The following GREM2 variants were observed in gnomAD, a reference collection of about 807,000 sequenced individuals.
GREM2 encodes the protein gremlin-2.
A neutral mutation model predicts 14.2 loss-of-function variants in GREM2; 11 were observed. That is an observed-to-expected ratio of 0.78 (90% confidence interval 0.49 to 1.28). GREM2 has a LOEUF of 1.28. GREM2 is among the 50% of genes most tolerant of loss of function. The pLI is 0.00. For synonymous variants in GREM2, 98 were observed against 97.6 expected (o/e 1.00, Z -0.02); for missense variants, 210 against 218.5 (o/e 0.96, Z 0.24).
chr1:240,577,043 T>C (rs989095976), intron 1 of GREM2, among the ~76,000 whole-genome samples: 32 of 152,346 alleles, frequency 2.1e-4, no homozygotes, highest in South Asian at 4.1e-4. Flanking sequence ...TGGTAACATT[T>C]ACACAAATTT....
At chr1:240,521,454 C>T (rs930791016) in intron 1 of GREM2, among the ~76,000 whole-genome samples, 6 of 151,516 alleles carry the variant, frequency 4.0e-5, no homozygotes, top group African/African-American at 9.8e-5. Context: ...GACTGTAGTC[C>T]CAGCTACTCG....
At chr1:240,535,899 C>T (rs934441161) in intron 1 of GREM2, among the ~76,000 whole-genome samples, 3 of 151,630 alleles carry the variant, frequency 2.0e-5, no homozygotes, top group Non-Finnish European at 2.9e-5. Flanking sequence ...CCCATGAAAA[C>T]CAACAGAAAG....
At chr1:240,534,900 A>T (rs1444117792) in intron 1 of GREM2, among the ~76,000 whole-genome samples, 1 of 152,066 alleles carries the variant, frequency 6.6e-6, no homozygotes, top group Non-Finnish European at 1.5e-5. Flanking sequence ...AAATTTGGTG[A>T]CGCCAGATAC....
rs139762300 is a variant in GREM2, at chr1:240,573,946, C to T, written c.-2+37938G>A. ...GTTTGTTTTGTTTTGTTTTGACGAA[C>T]TCTCACACTCTCGCCCTGGCTGGAG... On this transcript the variant is annotated intron_variant, in intron 1 of 1. Coordinates refer to ENST00000318160, the MANE Select transcript of GREM2 (RefSeq NM_022469.4). Among the ~76,000 whole-genome samples, 5 of 152,120 alleles carry T rather than the reference C, an allele frequency of 3.3e-5. No homozygotes were observed. The East Asian group carries it at 9.7e-4, about 29-fold the overall frequency.
At chr1:240,587,620 C>A (rs535820104) in intron 1 of GREM2, among the ~76,000 whole-genome samples, 1 of 152,074 alleles carries the variant, frequency 6.6e-6, no homozygotes, top group East Asian at 1.9e-4. Flanking sequence ...CCATACCAGC[C>A]GTTTTCACTT....
intron 1 of GREM2, among the ~76,000 whole-genome samples, chr1:240,510,432 G>C (rs1170787607): frequency 6.7e-6 from 1 of 148,596 alleles, no homozygotes; most frequent in Non-Finnish European, 1.5e-5. Context: ...CAATCCACAG[G>C]GACAGACTGC....
chr1:240,603,502 C>T (rs1239660821), intron 1 of GREM2, among the ~76,000 whole-genome samples: 1 of 152,072 alleles, frequency 6.6e-6, no homozygotes, highest in Non-Finnish European at 1.5e-5. Context: ...CCATCCATCT[C>T]CCATCCATCT....
At chr1:240,559,760 G>T (rs897038596) in intron 1 of GREM2, among the ~76,000 whole-genome samples, 1 of 152,106 alleles carries the variant, frequency 6.6e-6, no homozygotes, top group African/African-American at 2.4e-5. Context: ...TGTCAGTTGC[G>T]TTTCTCAAAG....
intron 1 of GREM2, among the ~76,000 whole-genome samples, chr1:240,528,260 C>T (rs1013113179): frequency 6.6e-6 from 1 of 152,102 alleles, no homozygotes; most frequent in Non-Finnish European, 1.5e-5. Flanking sequence ...AATGAAATTT[C>T]TTATGGGACT....
intron 1 of GREM2, among the ~76,000 whole-genome samples, chr1:240,510,424 A>G (rs759992589): frequency 9.4e-5 from 14 of 149,588 alleles, no homozygotes; most frequent in South Asian, 2.1e-4. Context: ...GAATATGTCA[A>G]TCCACAGGGA....
At chr1:240,509,310 G>A (rs1677748282) in intron 1 of GREM2, among the ~76,000 whole-genome samples, 1 of 151,832 alleles carries the variant, frequency 6.6e-6, no homozygotes, top group Non-Finnish European at 1.5e-5. Flanking sequence ...GTGTAGTGAA[G>A]GTCAGCATGC....
chr1:240,512,795 T>C (rs923795380), intron 1 of GREM2, among the ~76,000 whole-genome samples: 1 of 152,192 alleles, frequency 6.6e-6, no homozygotes, highest in African/African-American at 2.4e-5. Flanking sequence ...ATTTAAGTTA[T>C]TAAAGTTATG....
At chr1:240,585,080 T>C (rs1431035076) in intron 1 of GREM2, among the ~76,000 whole-genome samples, 1 of 152,174 alleles carries the variant, frequency 6.6e-6, no homozygotes, top group Admixed American at 6.5e-5. Flanking sequence ...ACCTTGAAAA[T>C]TCAGGCTCCT....
chr1:240,533,457 C>G (rs1239943453), intron 1 of GREM2, among the ~76,000 whole-genome samples: 3 of 152,140 alleles, frequency 2.0e-5, no homozygotes, highest in African/African-American at 7.2e-5. Flanking sequence ...GTATCTCATG[C>G]TAATGTTATA....
intron 1 of GREM2, among the ~76,000 whole-genome samples, chr1:240,571,872 T>C (rs1679268959): frequency 6.6e-6 from 1 of 152,126 alleles, no homozygotes; most frequent in Non-Finnish European, 1.5e-5. Context: ...CTGATTTTGT[T>C]TGAGCACCAA....
intron 1 of GREM2, among the ~76,000 whole-genome samples, chr1:240,539,403 G>C (rs1344342245): frequency 6.6e-6 from 1 of 152,122 alleles, no homozygotes; most frequent in African/African-American, 2.4e-5. Context: ...AGGAAAATGT[G>C]TACCTACTAC....
At chr1:240,559,546 G>A (rs1203456122) in intron 1 of GREM2, among the ~76,000 whole-genome samples, 1 of 151,980 alleles carries the variant, frequency 6.6e-6, no homozygotes, top group Non-Finnish European at 1.5e-5. Flanking sequence ...ATTTCGCCAT[G>A]TTGACCAGGC....
In GREM2 at chr1:240,492,393, T is replaced by C. The variant is rs1677275444; in HGVS notation, c.*576A>G. The C allele has an allele frequency of 3.4e-6, 1 of 290,008 alleles. No homozygotes were observed. Among genetic ancestry groups the C allele is most frequent in the Admixed American group, 3.9e-5 (1 of 25,642 alleles). The allele number at this position is 290,008 out of a possible 1,614,324, so 18.0% of individuals were successfully genotyped here. On this transcript the variant is annotated 3_prime_UTR_variant, in exon 2 of 2. Coordinates refer to ENST00000318160, the MANE Select transcript of GREM2 (RefSeq NM_022469.4). ...AGTTGTCTTCTTGGTATCAGGTTTA[T>C]TAGGAGACGCCCCGTCCACCGACAT... is the stretch of plus-strand genomic sequence containing the variant.
intron 1 of GREM2, among the ~76,000 whole-genome samples, chr1:240,583,380 T>A (rs1433999584): frequency 1.3e-5 from 2 of 152,214 alleles, no homozygotes; most frequent in African/African-American, 4.8e-5. Flanking sequence ...ATGGCCAATT[T>A]ACTTATATAA....
Sources: gnomAD v4.1 joint callset for allele counts (sites outside exome capture counted in the v4.1 genomes callset) on GRCh38, gnomAD v4.1.1 for gene constraint, MANE v1.5 for transcripts, NCBI Gene and HGNC (gene_info 2026-07-23, HGNC 2026-07-21) for gene names.